The following NPPC variants were observed in gnomAD, a reference collection of about 807,000 sequenced individuals.
The protein encoded by NPPC is natriuretic peptide C.
In NPPC, 4 loss-of-function variants were observed where a neutral mutation model predicts 10.2. The observed-to-expected ratio is 0.39, with a 90% CI of 0.19 to 0.90. The LOEUF is 0.90. Among genes scored for constraint, NPPC ranks in the 40% least tolerant of loss-of-function variants. The pLI is 0.37. For synonymous variants in NPPC, 83 were observed against 87.3 expected, an observed-to-expected ratio of 0.95 and a Z score of 0.27; for missense variants, 182 against 173.8, an observed-to-expected ratio of 1.05 and a Z score of -0.26.
chr2:231,922,797 A>G (rs2106192528), intron 2 of NPPC, among the ~76,000 whole-genome samples: 1 of 152,320 alleles, frequency 6.6e-6, no homozygotes, highest in African/African-American at 2.4e-5. Flanking sequence ...GACCCTGGAT[A>G]GCTGGGAGTG....
Position 231,925,656 on chromosome 2 carries a change from C to G in NPPC, c.150G>C (p.Gln50His), listed in dbSNP as rs2106194036. 1 of 1,602,644 alleles carries G rather than the reference C, an allele frequency of 6.2e-7. No homozygotes were observed. ...CCCCGGGAGCCTTGTCGCCCTTCTTCTGACCGCCGCCCGCAGCCTGCGGCT... is the reference window on the plus strand; with the variant it reads ...CCCCGGGAGCCTTGTCGCCCTTCTTGTGACCGCCGCCCGCAGCCTGCGGCT... ...LAEPQAAGGG[Q>H]KKGDKAPGGG... Residue 50 changes from glutamine (Q) to histidine (H), a missense_variant, in exon 2 of 3, where the codon CAG (glutamine) becomes CAC (histidine). Gln to His is a conservative substitution (Grantham distance 24). Transcript: ENST00000409852.
chr2:231,923,655 T>C (rs887562228), intron 2 of NPPC, among the ~76,000 whole-genome samples: 1 of 152,220 alleles, frequency 6.6e-6, no homozygotes, highest in Non-Finnish European at 1.5e-5. Context: ...AGTGTTCATC[T>C]ATGCTAAGAG....
In NPPC at chr2:231,923,221, T is replaced by G. The variant is rs1199396428; in HGVS notation, c.*21-906A>C. On this transcript the variant is annotated intron_variant, in intron 2 of 2. Coordinates refer to ENST00000409852, the MANE Select transcript of NPPC (RefSeq NM_024409.4). ...TGGCTCTGCCGTGAGTTTACACAGA[T>G]GACAGCTGTCTGTGATGTTGCTGGG... Among the ~76,000 whole-genome samples, 4 of 152,250 alleles carry G rather than the reference T, an allele frequency of 2.6e-5. No homozygotes were observed. The East Asian group carries it at 7.7e-4, about 29-fold the overall frequency.
At chr2:231,925,783 G>A in intron 1 of NPPC, 68 bp from the exon 2 acceptor site, 1 of 1,402,002 alleles carries the variant, frequency 7.1e-7, no homozygotes, top group Non-Finnish European at 9.2e-7. Flanking sequence ...TGATGCTCCA[G>A]CCCCACGCGC....
chr2:231,926,302 C>T lies in NPPC; in HGVS notation c.-53G>A, dbSNP rs942287443. 8 of 1,192,798 alleles carry T rather than the reference C, an allele frequency of 6.7e-6. No individual in the cohort carries two copies. The highest frequency in any genetic ancestry group is 8.5e-6 in the Non-Finnish European group (8 of 941,038). 73.9% of individuals were successfully genotyped at this position (1,192,798 alleles called of 1,614,324 possible). A position where few individuals can be genotyped will look rare whatever the true frequency, so the allele number is the denominator to read the frequency against. On this transcript the variant is annotated 5_prime_UTR_variant, in exon 1 of 3. Coordinates refer to ENST00000409852, the MANE Select transcript of NPPC (RefSeq NM_024409.4). ...CGGGCGGCAGCGAGGGCGCGCAGGT[C>T]GGCGGGCAGACCAGCAGGGGGATGC...
Position 231,925,554 on chromosome 2 carries a change from C to A in NPPC, c.252G>T (p.Ala84=), listed in dbSNP as rs761142930. The change falls in exon 2 of 3, where the codon GCG becomes GCT. Residue 84 remains alanine (A), a synonymous_variant. Transcript: ENST00000409852. ...GGTGCTCTTGCAGAAGGCGAGCCCA[C>A]GCTGCCCGCGACTTGGTGTCCACGC... The part of the protein sequence containing the change: ...DLRVDTKSRA[A]WARLLQEHPN... 6.2e-7 allele frequency: 1 copy of A among 1,612,544 alleles called. No homozygotes were observed. The highest frequency in any genetic ancestry group is 1.1e-5 in the South Asian group (1 of 90,976).
At chr2:231,925,378 G>GCTGGGC in intron 2 of NPPC, 27 bp downstream of exon 2, 1 of 1,513,674 alleles carries the variant, frequency 6.6e-7, no homozygotes, top group Non-Finnish European at 8.8e-7. Context: ...CCGGGCTGGG[G>GCTGGGC]CTGGGCGTCG....
intron 2 of NPPC, among the ~76,000 whole-genome samples, chr2:231,922,873 G>A (rs1199365388): frequency 2.6e-5 from 4 of 152,174 alleles, no homozygotes; most frequent in Non-Finnish European, 4.4e-5. Context: ...AGGGAGCCTC[G>A]GATCGGGCAT....
intron 2 of NPPC, among the ~76,000 whole-genome samples, chr2:231,922,526 A>C (rs1243980562): frequency 1.3e-5 from 2 of 151,208 alleles, no homozygotes; most frequent in Non-Finnish European, 2.9e-5. Context: ...TTGCTGCCCC[A>C]GTACAAGTGG....
intron 1 of NPPC, 119 bp downstream of exon 1, chr2:231,926,041 G>C: frequency 1.2e-6 from 1 of 817,416 alleles, no homozygotes; most frequent in Middle Eastern, 2.4e-4. Flanking sequence ...TCGCCCACGC[G>C]CATCTCGGAG....
chr2:231,922,190 C>T lies in NPPC; in HGVS notation c.*146G>A, dbSNP rs1691938084. ...ATAAAACAGCTGGTGTTGTGTATTCCCAGTACCAGGAAAAAAAAAGAAAGA... is the reference window on the plus strand; with the variant it reads ...ATAAAACAGCTGGTGTTGTGTATTCTCAGTACCAGGAAAAAAAAAGAAAGA... On this transcript the variant is annotated 3_prime_UTR_variant, in exon 3 of 3. Transcript: ENST00000409852. 6.6e-6 allele frequency: 1 copy of T among 151,806 alleles called. No individual in the cohort carries two copies. The highest frequency in any genetic ancestry group is 1.5e-5 in the Non-Finnish European group (1 of 67,982). The allele number at this position is 151,806 out of a possible 1,614,324, so 9.4% of individuals were successfully genotyped here.
Position 231,922,206 on chromosome 2 carries a change from A to AAAAG in NPPC, c.*126_*129dup, listed in dbSNP as rs1020157446. 1.3e-5 allele frequency: 2 copies of AAAAG among 152,166 alleles called. No individual in the cohort carries two copies. Among genetic ancestry groups the AAAAG allele is most frequent in the African/African-American group, 2.4e-5 (1 of 41,440 alleles). The allele number at this position is 152,166 out of a possible 1,614,324, so 9.4% of individuals were successfully genotyped here. ...TGTGTATTCCCAGTACCAGGAAAAA[A>AAAAG]AAAGAAAGAAAGAAAGAAATGTAAA... On this transcript the variant is annotated 3_prime_UTR_variant, in exon 3 of 3. Coordinates refer to ENST00000409852, the MANE Select transcript of NPPC (RefSeq NM_024409.4).
intron 1 of NPPC, among the ~76,000 whole-genome samples, 191 bp downstream of exon 1, chr2:231,925,969 G>T (rs1692002038): frequency 6.6e-6 from 1 of 152,204 alleles, no homozygotes; most frequent in Admixed American, 6.5e-5. Context: ...CGCATGGGCC[G>T]ATGTTCTCCG....
At chr2:231,922,410 T>A (rs1452332537) in intron 2 of NPPC, 95 bp from the exon 3 acceptor site, 1 of 152,082 alleles carries the variant, frequency 6.6e-6, no homozygotes, top group African/African-American at 2.4e-5. Context: ...CCTCCCCTTC[T>A]CCCAGCAGCT....
rs1292433492 is a variant in NPPC, at chr2:231,923,769, C to G, written c.*21-1454G>C. Among the ~76,000 whole-genome samples the G allele has an allele frequency of 2.0e-5, 3 of 152,362 alleles. No homozygotes were observed. The East Asian group carries it at 5.8e-4, about 29-fold the overall frequency. On this transcript the variant is annotated intron_variant, in intron 2 of 2. Coordinates refer to ENST00000409852, the MANE Select transcript of NPPC (RefSeq NM_024409.4). ...TCTTTCACCACCCGTTTGGCCATCA[C>G]TTGGTGACCACAGACATCCAGGCCC...
Position 231,926,253 on chromosome 2 carries a change from G to A in NPPC, c.-4C>T. The stretch of plus-strand genomic sequence containing the variant: ...CCAGCAGCTGGGAGAGATGCATGGT[G>A]CCGCTGGGGTCGAGGGGCGCACACG... On this transcript the variant is annotated 5_prime_UTR_variant, in exon 1 of 3. Transcript: ENST00000409852. 1 of 1,300,796 alleles carries A rather than the reference G, an allele frequency of 7.7e-7. No homozygotes were observed. The highest frequency in any genetic ancestry group is 9.8e-7 in the Non-Finnish European group (1 of 1,021,696). The allele number at this position is 1,300,796 out of a possible 1,614,324, so 80.6% of individuals were successfully genotyped here. A position where few individuals can be genotyped will look rare whatever the true frequency, so the allele number is the denominator to read the frequency against.
chr2:231,924,210 G>A (rs1278837219), intron 2 of NPPC, among the ~76,000 whole-genome samples: 1 of 152,256 alleles, frequency 6.6e-6, no homozygotes, highest in African/African-American at 2.4e-5. Context: ...AGTCTGTTCG[G>A]GGTGCAGTGG....
At chr2:231,924,169 G>A (rs141183417) in intron 2 of NPPC, among the ~76,000 whole-genome samples, 196 of 152,360 alleles carry the variant, frequency 1.3e-3, no homozygotes, top group African/African-American at 4.4e-3. Context: ...GGGTGTGCTG[G>A]TTTCTCTGGT....
Position 231,926,290 on chromosome 2 carries a change from G to A in NPPC, c.-41C>T, listed in dbSNP as rs1429080242. The A allele has an allele frequency of 1.6e-6, 2 of 1,240,988 alleles. No homozygotes were observed. The highest frequency in any genetic ancestry group is 6.3e-5 in the East Asian group (2 of 31,848). 76.9% of individuals were successfully genotyped at this position (1,240,988 alleles called of 1,614,324 possible). A position where few individuals can be genotyped will look rare whatever the true frequency, so the allele number is the denominator to read the frequency against. On this transcript the variant is annotated 5_prime_UTR_variant, in exon 1 of 3. Transcript: ENST00000409852. ...GAGGGGCGCACACGGGCGGCAGCGA[G>A]GGCGCGCAGGTCGGCGGGCAGACCA...
Sources: allele counts gnomAD v4.1 joint callset (sites outside exome capture counted in the v4.1 genomes callset), GRCh38; gene constraint gnomAD v4.1.1; transcripts MANE v1.5; gene names NCBI Gene and HGNC (gene_info 2026-07-23, HGNC 2026-07-21).